Variants in KANSL1 observed in about 807,000 individuals in gnomAD.
KANSL1 encodes MLL1/MLL complex subunit KANSL1.
In KANSL1, 22 loss-of-function variants were observed where a neutral mutation model predicts 103.6. The ratio of observed to expected loss-of-function variants is 0.21; its 90% confidence interval spans 0.15 to 0.30. The LOEUF (loss-of-function observed/expected upper bound fraction) is 0.30. Ranked by LOEUF, KANSL1 falls within the 10% of genes least tolerant of loss-of-function variation. KANSL1 has a pLI of 1.00. For missense variants in KANSL1, 1,337 were observed against 1,399.8 expected (o/e 0.96, Z 0.72); for synonymous variants, 600 against 527.6 (o/e 1.14, Z -1.88).
chr17:46,160,661 G>A (rs991427624), intron 2 of KANSL1, among the ~76,000 whole-genome samples: 1 of 152,138 alleles, frequency 6.6e-6, no homozygotes, highest in African/African-American at 2.4e-5. Flanking sequence ...GTAGGCTTAA[G>A]GATGTATCTG....
intron 1 of KANSL1, among the ~76,000 whole-genome samples, chr17:46,207,760 T>C (rs2048020565): frequency 6.6e-6 from 1 of 152,132 alleles, no homozygotes; most frequent in East Asian, 1.9e-4. Flanking sequence ...CGGGGACTGC[T>C]TGAGCTCAGG....
At chr17:46,177,636 C>A (rs77789637) in intron 1 of KANSL1, among the ~76,000 whole-genome samples, 17,196 of 150,216 alleles carry the variant, frequency 0.11, 1 homozygote, top group Non-Finnish European at 0.17. Flanking sequence ...GGTTAAGATT[C>A]TTTTGTCTTT....
At chr17:46,047,305 T>G (rs986354232) in intron 7 of KANSL1, among the ~76,000 whole-genome samples, 13 of 152,242 alleles carry the variant, frequency 8.5e-5, no homozygotes, top group African/African-American at 3.1e-4. Flanking sequence ...AAGGATTCTC[T>G]CTAGGACAAG....
At chr17:46,122,533 CA>C (rs1228688928) in intron 2 of KANSL1, among the ~76,000 whole-genome samples, 5 of 152,122 alleles carry the variant, frequency 3.3e-5, no homozygotes, top group African/African-American at 1.2e-4. Context: ...CTATCGACTA[CA>C]AAAGTGGGTT....
At chr17:46,183,216 G>C (rs775695586) in intron 1 of KANSL1, among the ~76,000 whole-genome samples, 1 of 152,178 alleles carries the variant, frequency 6.6e-6, no homozygotes, top group Non-Finnish European at 1.5e-5. Context: ...CAGGCAAGGA[G>C]TTCAAGGCCA....
chr17:46,164,089 G>A (rs1313504509), intron 2 of KANSL1, among the ~76,000 whole-genome samples: 1 of 152,174 alleles, frequency 6.6e-6, no homozygotes. Flanking sequence ...AACTTCTTGA[G>A]GATACAAACT....
chr17:46,129,967 T>C (rs2043768507), intron 2 of KANSL1, among the ~76,000 whole-genome samples: 2 of 151,996 alleles, frequency 1.3e-5, no homozygotes, highest in Admixed American at 1.3e-4. Context: ...AGGCAGATCA[T>C]TTGAGCCCAG....
intron 2 of KANSL1, among the ~76,000 whole-genome samples, chr17:46,162,742 G>T (rs528265971): frequency 6.6e-6 from 1 of 152,292 alleles, no homozygotes; most frequent in Non-Finnish European, 1.5e-5. Flanking sequence ...TACAAATCAT[G>T]TAAGCCATGT....
chr17:46,034,473 T>C (rs2077093846), intron 10 of KANSL1, 188 bp from the exon 11 acceptor site: 1 of 548,566 alleles, frequency 1.8e-6, no homozygotes, highest in Admixed American at 3.3e-5. Context: ...CACGGAGAAA[T>C]ACCAGGTGGT....
intron 2 of KANSL1, among the ~76,000 whole-genome samples, chr17:46,139,365 GCT>G (rs1350198875): frequency 2.7e-5 from 4 of 150,068 alleles, no homozygotes; most frequent in African/African-American, 9.8e-5. Flanking sequence ...TTAAATACTT[GCT>G]CTCACTGAAT....
chr17:46,066,702 T>G lies in KANSL1; in HGVS notation c.1683A>C (p.Pro561=). 1 of 1,614,044 alleles carries G rather than the reference T, an allele frequency of 6.2e-7. No individual in the cohort carries two copies. Among genetic ancestry groups the G allele is most frequent in the East Asian group, 2.2e-5 (1 of 44,866 alleles). Residue 561 remains proline (P), a synonymous_variant, in exon 6 of 15, where the codon CCA becomes CCC. Coordinates refer to ENST00000432791, the MANE Select transcript of KANSL1 (RefSeq NM_015443.4). ...TLQPVLADHI[P]GDSSDAEEQL... The stretch of plus-strand genomic sequence containing the variant: ...GTTCCTCAGCATCAGAGCTGTCACC[T>G]GGAATGTGGTCTGCCAAGACAGGCT...
At chr17:46,053,236 T>C (rs201158044) in intron 6 of KANSL1, among the ~76,000 whole-genome samples, 3 of 151,596 alleles carry the variant, frequency 2.0e-5, no homozygotes, top group East Asian at 3.9e-4. Context: ...TGAGCTGAGA[T>C]TGCACCACTG....
rs553774368 is a variant in KANSL1, at chr17:46,063,948, G to A, written c.1848+2589C>T. On this transcript the variant is annotated intron_variant, in intron 6 of 14. Coordinates refer to ENST00000432791, the MANE Select transcript of KANSL1 (RefSeq NM_015443.4). ...AGCATTCTGTGTTAAATTCATCAAG[G>A]AATTGACAAAAAGCTATTTTCCTAC... Among the ~76,000 whole-genome samples, 3 of 144,184 alleles carry A rather than the reference G, an allele frequency of 2.1e-5. No individual in the cohort carries two copies. The South Asian group carries it at 6.5e-4, about 31-fold the overall frequency. The allele number at this position is 144,184 out of a possible 152,430, so 94.6% of individuals were successfully genotyped here.
intron 2 of KANSL1, among the ~76,000 whole-genome samples, chr17:46,128,520 C>A (rs1400126634): frequency 6.6e-6 from 1 of 152,128 alleles, no homozygotes; most frequent in Middle Eastern, 3.4e-3. Flanking sequence ...AGAAAAAAAA[C>A]ACAGTAAGAG....
intron 1 of KANSL1, among the ~76,000 whole-genome samples, chr17:46,203,876 G>A (rs186070141): frequency 1.3e-5 from 2 of 152,354 alleles, no homozygotes; most frequent in Admixed American, 1.3e-4. Flanking sequence ...AATAATAGAT[G>A]TTTTTTAAAT....
chr17:46,066,977 CAATA>C (rs1183246242), intron 5 of KANSL1, among the ~76,000 whole-genome samples: 2 of 152,126 alleles, frequency 1.3e-5, no homozygotes, highest in African/African-American at 2.4e-5. Context: ...AGATAAAAGT[CAATA>C]AATAAACTCA....
intron 3 of KANSL1, among the ~76,000 whole-genome samples, chr17:46,086,296 G>T (rs2079160974): frequency 6.6e-6 from 1 of 152,136 alleles, no homozygotes; most frequent in East Asian, 1.9e-4. Context: ...ATAAAACTTG[G>T]TAGGGACCAT....
At chr17:46,130,210 G>GAAAAAAAAAAAAAAAAAA (rs2043792565) in intron 2 of KANSL1, among the ~76,000 whole-genome samples, 1 of 113,212 alleles carries the variant, frequency 8.8e-6, no homozygotes, top group Non-Finnish European at 2.1e-5. Context: ...AAAAAAAAAG[G>GAAAAAAAAAAAAAAAAAA]AATCAACTAG....
chr17:46,085,500 T>C (rs567202607), intron 3 of KANSL1, among the ~76,000 whole-genome samples: 1 of 152,314 alleles, frequency 6.6e-6, no homozygotes, highest in Non-Finnish European at 1.5e-5. Flanking sequence ...CTCAGTTTCT[T>C]GTTTGTTGAG....
Sources: allele counts gnomAD v4.1 joint callset (sites outside exome capture counted in the v4.1 genomes callset), GRCh38; gene constraint gnomAD v4.1.1; transcripts MANE v1.5; gene names NCBI Gene and HGNC (gene_info 2026-07-23, HGNC 2026-07-21).